The following MAPK8 variants were observed in gnomAD, a reference collection of about 807,000 sequenced individuals.
The protein encoded by MAPK8 is mitogen-activated protein kinase 8, also known as JUN N-terminal kinase.
A neutral mutation model predicts 52.9 loss-of-function variants in MAPK8; 13 were observed. The observed-to-expected ratio is 0.25, with a 90% CI of 0.16 to 0.39. MAPK8 has a LOEUF of 0.39. Ranked by LOEUF, MAPK8 falls within the 10% of genes least tolerant of loss-of-function variation. MAPK8 has a pLI of 1.00. For synonymous variants in MAPK8, 191 were observed against 169.8 expected, an observed-to-expected ratio of 1.12 and a Z score of -0.97; for missense variants, 300 against 519.2, an observed-to-expected ratio of 0.58 and a Z score of 4.10.
chr10:48,424,639 G>A (rs2043564270), intron 7 of MAPK8: 2 of 1,217,472 alleles, frequency 1.6e-6, no homozygotes. Flanking sequence ...ATGTATGATA[G>A]CACTTCAGTT....
At chr10:48,349,824 A>G (rs1237768473) in intron 1 of MAPK8, among the ~76,000 whole-genome samples, 3 of 152,222 alleles carry the variant, frequency 2.0e-5, no homozygotes, top group Non-Finnish European at 4.4e-5. Context: ...AAATCAGTGA[A>G]TCCAGGAGCT....
chr10:48,307,068 G>A (rs1588881070), intron 1 of MAPK8: 1 of 152,108 alleles, frequency 6.6e-6, no homozygotes, highest in Admixed American at 6.6e-5. Flanking sequence ...CTGCCGCCGC[G>A]AGCCCCGCCC....
At chr10:48,420,610 TTGAAAA>T (rs2043299643) in intron 6 of MAPK8, among the ~76,000 whole-genome samples, 1 of 152,314 alleles carries the variant, frequency 6.6e-6, no homozygotes, top group Admixed American at 6.5e-5. Context: ...TGCCTATAAC[TTGAAAA>T]TGAACATTTC....
At chr10:48,366,732 G>GGT (rs1848084394) in intron 1 of MAPK8, among the ~76,000 whole-genome samples, 2 of 151,912 alleles carry the variant, frequency 1.3e-5, no homozygotes, top group African/African-American at 2.4e-5. Flanking sequence ...ATGGCCCATC[G>GGT]GTGTGTTGGA....
intron 1 of MAPK8, among the ~76,000 whole-genome samples, chr10:48,386,954 G>A (rs375837581): frequency 2.1e-4 from 32 of 152,102 alleles, no homozygotes; most frequent in African/African-American, 7.0e-4. Flanking sequence ...TGTGTCTGGC[G>A]CTATTTAGCT....
At chr10:48,427,359 G>T in intron 10 of MAPK8, 1 of 439,130 alleles carries the variant, frequency 2.3e-6, no homozygotes, top group African/African-American at 2.0e-5. Context: ...ACACATTAGT[G>T]CTCTGTCTCA....
Position 48,438,008 on chromosome 10 carries a change from T to A in MAPK8, c.*2979T>A, listed in dbSNP as rs998892964. ...GTTACAGATAAGACTTGGTTTACAC[T>A]ATTGGCCAGTATCTGCTAAACATAT... On this transcript the variant is annotated 3_prime_UTR_variant, in exon 12 of 12. Coordinates refer to ENST00000374189, the MANE Select transcript of MAPK8 (RefSeq NM_001323329.2). 6.6e-6 allele frequency: 1 copy of A among 152,266 alleles called. No individual in the cohort carries two copies. The highest frequency in any genetic ancestry group is 1.5e-5 in the Non-Finnish European group (1 of 68,050). The allele number at this position is 152,266 out of a possible 1,614,324, so 9.4% of individuals were successfully genotyped here.
intron 10 of MAPK8, among the ~76,000 whole-genome samples, chr10:48,429,216 T>C (rs2043960829): frequency 6.6e-6 from 1 of 152,074 alleles, no homozygotes; most frequent in South Asian, 2.1e-4. Context: ...GGCACACCAT[T>C]ATGTGCCACA....
chr10:48,438,235 T>G lies in MAPK8; in HGVS notation c.*3206T>G, dbSNP rs1053887555. 2.6e-5 allele frequency: 4 copies of G among 152,244 alleles called. No homozygotes were observed. Among genetic ancestry groups the G allele is most frequent in the African/African-American group, 9.6e-5 (4 of 41,458 alleles). 9.4% of individuals were successfully genotyped at this position (152,244 alleles called of 1,614,324 possible). A position where few individuals can be genotyped will look rare whatever the true frequency, so the allele number is the denominator to read the frequency against. ...GGTAAACCAAACACCATTCTGTCAT[T>G]AGCAGCCCTCTTAAATGTTGCCTCT... On this transcript the variant is annotated 3_prime_UTR_variant, in exon 12 of 12. Transcript: ENST00000374189.
intron 1 of MAPK8, among the ~76,000 whole-genome samples, chr10:48,337,485 A>G (rs1354971470): frequency 1.3e-5 from 2 of 152,130 alleles, no homozygotes; most frequent in African/African-American, 4.8e-5. Flanking sequence ...TTAGTGCTAA[A>G]TTCCTACATC....
chr10:48,436,730 T>C lies in MAPK8; in HGVS notation c.*1701T>C, dbSNP rs749576084. 4.6e-5 allele frequency: 7 copies of C among 152,262 alleles called. No individual in the cohort carries two copies. The highest frequency in any genetic ancestry group is 7.3e-5 in the Non-Finnish European group (5 of 68,050). 9.4% of individuals were successfully genotyped at this position (152,262 alleles called of 1,614,324 possible). Reference sequence around the variant, plus strand: ...AGATTAAAATACATTAGCTTTTTTATATACTTTGAAGTAGCAAGTTTGTTT... The same window carrying C: ...AGATTAAAATACATTAGCTTTTTTACATACTTTGAAGTAGCAAGTTTGTTT... On this transcript the variant is annotated 3_prime_UTR_variant, in exon 12 of 12. Transcript: ENST00000374189.
At chr10:48,322,761 G>T in intron 1 of MAPK8, among the ~76,000 whole-genome samples, 1 of 152,168 alleles carries the variant, frequency 6.6e-6, no homozygotes, top group East Asian at 1.9e-4. Context: ...CCTTCAGGGG[G>T]AGAAATGGCC....
At chr10:48,394,967 G>C (rs905531134) in intron 1 of MAPK8, among the ~76,000 whole-genome samples, 5 of 151,844 alleles carry the variant, frequency 3.3e-5, no homozygotes, top group Non-Finnish European at 7.4e-5. Context: ...AATGCTTATG[G>C]AGAAGTTAAA....
rs560590598 is a variant in MAPK8 at position 48,351,799 on chromosome 10, G to A, written c.-50+44978G>A. On this transcript the variant is annotated intron_variant, in intron 1 of 11. Coordinates refer to ENST00000374189, the MANE Select transcript of MAPK8 (RefSeq NM_001323329.2). ...AGATGCTTGGGTCCAAAAATGTTTC[G>A]GATTTCAGATTTTTTCAGATTTTAG... Among the ~76,000 whole-genome samples the A allele has an allele frequency of 2.0e-5, 3 of 152,090 alleles. No homozygotes were observed. The South Asian group carries it at 6.2e-4, about 32-fold the overall frequency.
intron 1 of MAPK8, among the ~76,000 whole-genome samples, chr10:48,334,784 G>C (rs530792035): frequency 1.3e-5 from 2 of 152,262 alleles, no homozygotes; most frequent in East Asian, 1.9e-4. Flanking sequence ...AAGAACAGCG[G>C]AAGTAAGACT....
At chr10:48,352,370 C>A (rs559574972) in intron 1 of MAPK8, among the ~76,000 whole-genome samples, 1 of 151,080 alleles carries the variant, frequency 6.6e-6, no homozygotes, top group Non-Finnish European at 1.5e-5. Context: ...TGTAGATAAT[C>A]CTTAACAAAA....
At chr10:48,431,958 T>TA (rs540374288) in intron 11 of MAPK8, among the ~76,000 whole-genome samples, 106 of 152,322 alleles carry the variant, frequency 7.0e-4, no homozygotes, top group African/African-American at 2.2e-3. Flanking sequence ...GCACACATGT[T>TA]ATGGATGAGG....
chr10:48,383,284 A>G (rs957215071), intron 1 of MAPK8, among the ~76,000 whole-genome samples: 1 of 152,128 alleles, frequency 6.6e-6, no homozygotes. Context: ...AGCCACAAAT[A>G]AGGTGCAAAT....
At chr10:48,428,662 G>A (rs925857637) in intron 10 of MAPK8, among the ~76,000 whole-genome samples, 15 of 152,224 alleles carry the variant, frequency 9.9e-5, no homozygotes, top group Admixed American at 8.5e-4. Context: ...GATAGAGTCT[G>A]CTGCATTTGA....
Sources: allele counts gnomAD v4.1 joint callset (sites outside exome capture counted in the v4.1 genomes callset), GRCh38; gene constraint gnomAD v4.1.1; transcripts MANE v1.5; gene names NCBI Gene and HGNC (gene_info 2026-07-23, HGNC 2026-07-21).